The following SH3GL2 variants were observed in gnomAD, a reference collection of about 807,000 sequenced individuals.
SH3GL2 encodes the protein SH3 domain containing GRB2 like 2, endophilin A1.
In SH3GL2, 24 loss-of-function variants were observed where a neutral mutation model predicts 46.0. The observed-to-expected ratio is 0.52, with a 90% CI of 0.38 to 0.73. The LOEUF (loss-of-function observed/expected upper bound fraction) is 0.73, where lower values mean the gene tolerates loss of function less well. Among genes scored for constraint, SH3GL2 ranks in the 30% least tolerant of loss-of-function variants. The probability of loss-of-function intolerance (pLI) is 0.00; values close to 1 mark genes in which losing one functional copy is unlikely to be tolerated. For synonymous variants in SH3GL2, 196 were observed against 147.1 expected, an observed-to-expected ratio of 1.33 and a Z score of -2.40; for missense variants, 413 against 424.2, an observed-to-expected ratio of 0.97 and a Z score of 0.23.
At chr9:17,644,459 G>C (rs1453954940) in intron 1 of SH3GL2, among the ~76,000 whole-genome samples, 1 of 152,092 alleles carries the variant, frequency 6.6e-6, no homozygotes, top group Non-Finnish European at 1.5e-5. Flanking sequence ...TCTCCCGTGG[G>C]CATTTAGTGC....
At chr9:17,682,075 C>G (rs1820784078) in intron 1 of SH3GL2, among the ~76,000 whole-genome samples, 1 of 151,916 alleles carries the variant, frequency 6.6e-6, no homozygotes, top group Non-Finnish European at 1.5e-5. Context: ...TAGATGTGAG[C>G]CTGTGGAGAA....
chr9:17,607,005 C>T (rs1298005078), intron 1 of SH3GL2, among the ~76,000 whole-genome samples: 1 of 152,128 alleles, frequency 6.6e-6, no homozygotes, highest in Non-Finnish European at 1.5e-5. Flanking sequence ...AGCTGAAGCC[C>T]TTTTTTTCTC....
chr9:17,765,688 A>G (rs78486042), intron 3 of SH3GL2, among the ~76,000 whole-genome samples: 1 of 152,138 alleles, frequency 6.6e-6, no homozygotes, highest in East Asian at 1.9e-4. Flanking sequence ...AAGGTCACTT[A>G]TTAGCCTTCC....
intron 1 of SH3GL2, among the ~76,000 whole-genome samples, chr9:17,581,853 C>A (rs946239810): frequency 2.6e-5 from 4 of 152,142 alleles, no homozygotes; most frequent in African/African-American, 9.7e-5. Context: ...CATGCACTAC[C>A]ACGCTCAGCT....
At chr9:17,622,118 A>G (rs1481123664) in intron 1 of SH3GL2, among the ~76,000 whole-genome samples, 2 of 152,210 alleles carry the variant, frequency 1.3e-5, no homozygotes, top group Non-Finnish European at 2.9e-5. Context: ...TTCTGCATTC[A>G]TAAACAGTTG....
chr9:17,708,758 T>A (rs1353350141), intron 1 of SH3GL2, among the ~76,000 whole-genome samples: 1 of 151,962 alleles, frequency 6.6e-6, no homozygotes, highest in Non-Finnish European at 1.5e-5. Flanking sequence ...AAAGGCTGTT[T>A]GCATGGCCCC....
chr9:17,689,955 C>T (rs547595404), intron 1 of SH3GL2, among the ~76,000 whole-genome samples: 1 of 152,200 alleles, frequency 6.6e-6, no homozygotes, highest in Admixed American at 6.5e-5. Context: ...AGAACAACTC[C>T]AGGCAAGTGG....
intron 1 of SH3GL2, among the ~76,000 whole-genome samples, chr9:17,682,232 A>C (rs1466957171): frequency 1.3e-5 from 2 of 152,198 alleles, no homozygotes; most frequent in African/African-American, 4.8e-5. Flanking sequence ...AGGATTATAA[A>C]TCATTCTACC....
At chr9:17,774,827 TTCAATTTTTTGGAAAAG>T (rs1823595382) in intron 3 of SH3GL2, among the ~76,000 whole-genome samples, 1 of 152,182 alleles carries the variant, frequency 6.6e-6, no homozygotes, top group African/African-American at 2.4e-5. Context: ...ATTTTCCTTC[TTCAATTTTTTGGAAAAG>T]TTTGAGGAGA....
At chr9:17,589,712 A>T (rs1818445775) in intron 1 of SH3GL2, 1 of 152,330 alleles carries the variant, frequency 6.6e-6, no homozygotes, top group Non-Finnish European at 1.5e-5. Context: ...TAGTGCAGGC[A>T]CATCGGATGG....
chr9:17,624,430 A>G (rs1236620679), intron 1 of SH3GL2, among the ~76,000 whole-genome samples: 2 of 152,204 alleles, frequency 1.3e-5, no homozygotes, highest in African/African-American at 2.4e-5. Flanking sequence ...CTTCACAGTG[A>G]TAGGTGCGCA....
intron 1 of SH3GL2, chr9:17,630,400 G>T (rs910444130): frequency 1.3e-5 from 2 of 152,152 alleles, no homozygotes; most frequent in Non-Finnish European, 2.9e-5. Context: ...GTATAAACTG[G>T]ATACTTCTGG....
chr9:17,645,504 T>A (rs1300488920), intron 1 of SH3GL2, among the ~76,000 whole-genome samples: 3 of 152,178 alleles, frequency 2.0e-5, no homozygotes, highest in Non-Finnish European at 4.4e-5. Flanking sequence ...TTGCAGTGGC[T>A]GGTACTGGTT....
At chr9:17,624,651 T>C (rs1328459048) in intron 1 of SH3GL2, among the ~76,000 whole-genome samples, 1 of 152,220 alleles carries the variant, frequency 6.6e-6, no homozygotes, top group Non-Finnish European at 1.5e-5. Context: ...TCAAGATGGC[T>C]CCTGTGTCCA....
chr9:17,685,100 GA>G (rs1415444299), intron 1 of SH3GL2, among the ~76,000 whole-genome samples: 8 of 152,078 alleles, frequency 5.3e-5, no homozygotes, highest in Non-Finnish European at 1.0e-4. Context: ...GTTTTCTAGA[GA>G]AACAGAACCA....
chr9:17,733,824 C>G (rs576275019), intron 1 of SH3GL2, among the ~76,000 whole-genome samples: 4 of 151,938 alleles, frequency 2.6e-5, no homozygotes, highest in African/African-American at 9.7e-5. Context: ...TTTGTAGGGA[C>G]ATGGATGAAA....
intron 3 of SH3GL2, among the ~76,000 whole-genome samples, chr9:17,771,454 G>T (rs1236391526): frequency 6.6e-6 from 1 of 152,080 alleles, no homozygotes; most frequent in Non-Finnish European, 1.5e-5. Flanking sequence ...TCCTCCCTGG[G>T]CAAGGTCTTT....
intron 3 of SH3GL2, among the ~76,000 whole-genome samples, chr9:17,763,691 A>G (rs1216311290): frequency 6.6e-6 from 1 of 152,170 alleles, no homozygotes; most frequent in Non-Finnish European, 1.5e-5. Context: ...GTCATTTGAA[A>G]TGACAGCTCT....
At chr9:17,761,238 G>A (rs1369818363) in intron 2 of SH3GL2, among the ~76,000 whole-genome samples, 199 bp from the exon 3 acceptor site, 1 of 152,068 alleles carries the variant, frequency 6.6e-6, no homozygotes, top group Non-Finnish European at 1.5e-5. Flanking sequence ...TTGGATAAAC[G>A]GGCTTTCCAC....
Sources: allele counts gnomAD v4.1 joint callset (sites outside exome capture counted in the v4.1 genomes callset), GRCh38; gene constraint gnomAD v4.1.1; transcripts MANE v1.5; gene names NCBI Gene and HGNC (gene_info 2026-07-23, HGNC 2026-07-21).